Variants in SGCZ observed in about 807,000 individuals in gnomAD.
SGCZ encodes sarcoglycan zeta, also known as zeta-sarcoglycan.
In SGCZ, 40 loss-of-function variants were observed where a neutral mutation model predicts 41.3. That is an observed-to-expected ratio of 0.97 (90% CI 0.75 to 1.26). SGCZ has a LOEUF of 1.26. SGCZ is among the 50% of genes most tolerant of loss of function. SGCZ has a pLI of 0.00. For missense variants in SGCZ, 552 were observed against 369.8 expected (o/e 1.49, Z -4.04); for synonymous variants, 206 against 137.5 (o/e 1.50, Z -3.49).
intron 4 of SGCZ, among the ~76,000 whole-genome samples, chr8:14,222,947 G>A (rs961356238): frequency 8.6e-5 from 13 of 151,376 alleles, no homozygotes; most frequent in Non-Finnish European, 1.6e-4. Flanking sequence ...CAGTAGCTAA[G>A]ATTACAGGCA....
chr8:14,996,398 T>G (rs1282025708), intron 1 of SGCZ, among the ~76,000 whole-genome samples: 1 of 152,284 alleles, frequency 6.6e-6, no homozygotes, highest in East Asian at 1.9e-4. Flanking sequence ...TGATATTTTA[T>G]TTTGTTTTTG....
chr8:15,225,881 C>G (rs1169539755), intron 1 of SGCZ, among the ~76,000 whole-genome samples: 1 of 152,128 alleles, frequency 6.6e-6, no homozygotes, highest in African/African-American at 2.4e-5. Context: ...ACCTCACTAC[C>G]TATTGCTATC....
chr8:15,197,082 A>G (rs999951132), intron 1 of SGCZ, among the ~76,000 whole-genome samples: 3 of 152,214 alleles, frequency 2.0e-5, no homozygotes, highest in South Asian at 4.1e-4. Flanking sequence ...TTAGTCAAAG[A>G]CACAAACCCA....
intron 1 of SGCZ, among the ~76,000 whole-genome samples, chr8:14,881,335 T>C (rs1271213598): frequency 6.6e-6 from 1 of 152,130 alleles, no homozygotes; most frequent in Non-Finnish European, 1.5e-5. Flanking sequence ...TGTTTTTTCC[T>C]TTGCTCCTAA....
chr8:14,853,399 G>C (rs1803413253), intron 1 of SGCZ: 1 of 518,320 alleles, frequency 1.9e-6, no homozygotes, highest in African/African-American at 1.9e-5. Context: ...ACGCTGGATG[G>C]ATACCCAAGG....
At chr8:14,759,020 A>T (rs915419263) in intron 1 of SGCZ, among the ~76,000 whole-genome samples, 1 of 152,140 alleles carries the variant, frequency 6.6e-6, no homozygotes, top group African/African-American at 2.4e-5. Context: ...AAAAAAAAAA[A>T]AAAAATTCTT....
intron 1 of SGCZ, among the ~76,000 whole-genome samples, chr8:14,882,436 T>A (rs1255950277): frequency 1.3e-5 from 2 of 152,236 alleles, no homozygotes; most frequent in Non-Finnish European, 2.9e-5. Flanking sequence ...ATCTAGTTAA[T>A]ATAAAATTAT....
chr8:14,102,276 A>G (rs560751905), intron 7 of SGCZ, 100 bp downstream of exon 7: 2 of 1,209,516 alleles, frequency 1.7e-6, no homozygotes, highest in South Asian at 6.7e-5. Context: ...TTTTCTACTG[A>G]AAGATATTCC....
chr8:15,133,011 C>T (rs1371192252), intron 1 of SGCZ, among the ~76,000 whole-genome samples: 3 of 152,036 alleles, frequency 2.0e-5, no homozygotes, highest in African/African-American at 7.2e-5. Flanking sequence ...GGCATGGTGG[C>T]GTGGGCCTGT....
chr8:14,214,599 T>G (rs369378275), intron 4 of SGCZ, among the ~76,000 whole-genome samples: 5 of 152,234 alleles, frequency 3.3e-5, no homozygotes, highest in Admixed American at 1.3e-4. Flanking sequence ...AGAATGGATT[T>G]AAAAATGGTT....
chr8:14,560,756 A>G (rs540847321), intron 1 of SGCZ, among the ~76,000 whole-genome samples: 1 of 151,996 alleles, frequency 6.6e-6, no homozygotes, highest in Admixed American at 6.6e-5. Flanking sequence ...TAAGATTGAA[A>G]TTTTTTTTGG....
intron 2 of SGCZ, among the ~76,000 whole-genome samples, chr8:14,354,656 G>A (rs1341682016): frequency 6.6e-6 from 1 of 151,420 alleles, no homozygotes. Flanking sequence ...AAGTATATAG[G>A]CATTGTTGTT....
At chr8:14,649,445 G>A (rs974214117) in intron 1 of SGCZ, among the ~76,000 whole-genome samples, 7 of 152,006 alleles carry the variant, frequency 4.6e-5, no homozygotes, top group East Asian at 1.9e-4. Context: ...GACTTAATGC[G>A]TGGCACTGCA....
chr8:14,755,435 T>C (rs1276583115), intron 1 of SGCZ, among the ~76,000 whole-genome samples: 1 of 151,504 alleles, frequency 6.6e-6, no homozygotes, highest in Non-Finnish European at 1.5e-5. Flanking sequence ...CAGCTGGTTT[T>C]TCATAAAACG....
intron 1 of SGCZ, among the ~76,000 whole-genome samples, chr8:14,706,998 G>A (rs1199251266): frequency 6.8e-6 from 1 of 147,106 alleles, no homozygotes; most frequent in African/African-American, 2.5e-5. Context: ...TTTTTTTTAA[G>A]AGCAGGAGTG....
At chr8:14,673,719 T>A (rs1403725435) in intron 1 of SGCZ, among the ~76,000 whole-genome samples, 1 of 151,956 alleles carries the variant, frequency 6.6e-6, no homozygotes, top group Non-Finnish European at 1.5e-5. Flanking sequence ...AATGAACGAA[T>A]AAATGAACAA....
At chr8:14,292,261 T>C (rs1800865589) in intron 3 of SGCZ, among the ~76,000 whole-genome samples, 1 of 151,946 alleles carries the variant, frequency 6.6e-6, no homozygotes, top group Non-Finnish European at 1.5e-5. Flanking sequence ...CATATACAAG[T>C]GTGATGGAGA....
intron 2 of SGCZ, among the ~76,000 whole-genome samples, chr8:14,550,691 A>G (rs529177068): frequency 1.0e-3 from 156 of 152,112 alleles, no homozygotes; most frequent in African/African-American, 3.3e-3. Context: ...AACCAGCAAT[A>G]GGAGACCTGG....
chr8:14,376,635 T>C (rs1024778162), intron 2 of SGCZ, among the ~76,000 whole-genome samples: 7 of 152,134 alleles, frequency 4.6e-5, no homozygotes, highest in East Asian at 1.9e-4. Context: ...TTCCAGAGCA[T>C]AGAAGCTAAA....
Sources: allele counts gnomAD v4.1 joint callset (sites outside exome capture counted in the v4.1 genomes callset), GRCh38; gene constraint gnomAD v4.1.1; transcripts MANE v1.5; gene names NCBI Gene and HGNC (gene_info 2026-07-23, HGNC 2026-07-21).